Variants in GALNT15 observed in about 807,000 individuals in gnomAD.
GALNT15 encodes UDP-GalNAc transferase T15.
Under a neutral mutation model 66.8 loss-of-function variants are expected in GALNT15, and 67 were observed. The ratio of observed to expected loss-of-function variants is 1.00; its 90% confidence interval spans 0.82 to 1.23. GALNT15 has a LOEUF of 1.23. Ranked by LOEUF, GALNT15 falls within the 50% of genes most tolerant of loss-of-function variation. The probability of loss-of-function intolerance (pLI) is 0.00; values close to 1 mark genes in which losing one functional copy is unlikely to be tolerated. For missense variants in GALNT15, 827 were observed against 804.3 expected, an observed-to-expected ratio of 1.03 and a Z score of -0.34; for synonymous variants, 313 against 311.5, an observed-to-expected ratio of 1.00 and a Z score of -0.05.
In GALNT15 at chr3:16,200,677, C is replaced by G; in HGVS notation, c.765C>G (p.Leu255=). 6.2e-7 allele frequency: 1 copy of G among 1,606,984 alleles called. No individual in the cohort carries two copies. Residue 255 remains leucine (L), a synonymous_variant, in exon 3 of 10, where the codon CTC becomes CTG. Transcript: ENST00000339732. The surrounding 1 kb of genome is among the most constrained non-coding windows in gnomAD (Gnocchi z 4.4). ...YVARLEGVKL[L]RSNKRLGAIR... ...CCAGGCTGGAGGGGGTGAAGTTACT[C>G]AGGAGCAACAAGAGGCTGGGTGCCA...
chr3:16,229,441 G>GA lies in GALNT15; in HGVS notation c.*1943dup. 1 of 955,854 alleles carries GA rather than the reference G, an allele frequency of 1.0e-6. No individual in the cohort carries two copies. Among genetic ancestry groups the GA allele is most frequent in the Non-Finnish European group, 1.2e-6 (1 of 803,020 alleles). 59.2% of individuals were successfully genotyped at this position (955,854 alleles called of 1,614,324 possible). A position where few individuals can be genotyped will look rare whatever the true frequency, so the allele number is the denominator to read the frequency against. ...TACTGTATTGGCGAGCATGGATATAGAACATTTCATCACAGTTCTGTTGGA... is the reference window on the plus strand; with the variant it reads ...TACTGTATTGGCGAGCATGGATATAGAAACATTTCATCACAGTTCTGTTGGA... On this transcript the variant is annotated 3_prime_UTR_variant, in exon 10 of 10. Coordinates refer to ENST00000339732, the MANE Select transcript of GALNT15 (RefSeq NM_054110.5).
At chr3:16,240,722 C>T in the GALNT15 span, among the ~76,000 whole-genome samples, 5 of 124,292 alleles carry the variant, frequency 4.0e-5, no homozygotes, top group South Asian at 2.5e-4. Context: ...CAGATTCACA[C>T]ACTCAAGCAC....
At position 16,229,981 on chromosome 3, in the gene GALNT15, T is replaced by G. The variant is rs1352282540; in HGVS notation, c.*2481T>G. Among the ~76,000 whole-genome samples the G allele has an allele frequency of 2.0e-5, 3 of 152,214 alleles. No homozygotes were observed. The highest frequency in any genetic ancestry group is 4.8e-5 in the African/African-American group (2 of 41,464). The stretch of plus-strand genomic sequence containing the variant: ...GACCTTCTCCTTTAGTGTAACCAAG[T>G]GTTCAAATTCCCTTCTTCTCTATGA... On this transcript the variant is annotated 3_prime_UTR_variant, in exon 10 of 10. Transcript: ENST00000339732.
At chr3:16,234,887 T>C (rs1222686587), downstream of GALNT15, among the ~76,000 whole-genome samples, 1 of 150,516 alleles carries the variant, frequency 6.6e-6, no homozygotes, top group Non-Finnish European at 1.5e-5. Flanking sequence ...GAAAAGAGTC[T>C]GGGGGAGGGG....
At chr3:16,190,637 CAAAAAAAAA>C (rs34205852) in intron 1 of GALNT15, among the ~76,000 whole-genome samples, 1 of 98,644 alleles carries the variant, frequency 1.0e-5, no homozygotes. Flanking sequence ...GACTCCGTAT[CAAAAAAAAA>C]AAAAAAAAAA....
the GALNT15 span, among the ~76,000 whole-genome samples, chr3:16,245,897 A>C: frequency 6.6e-6 from 1 of 152,206 alleles, no homozygotes; most frequent in Admixed American, 6.5e-5. Context: ...GATTAACTGG[A>C]GTGTCTAAAA....
intron 8 of GALNT15, among the ~76,000 whole-genome samples, chr3:16,220,594 C>A (rs2063932340): frequency 6.6e-6 from 1 of 152,204 alleles, no homozygotes; most frequent in South Asian, 2.1e-4. Flanking sequence ...AACTGGATCA[C>A]AACCTAGAAA....
chr3:16,196,416 A>G (rs944480462), intron 2 of GALNT15, among the ~76,000 whole-genome samples: 2 of 152,152 alleles, frequency 1.3e-5, no homozygotes, highest in African/African-American at 4.8e-5. Flanking sequence ...CCCAGAGAAG[A>G]CAGCAGACTG....
At position 16,222,718 on chromosome 3, in the gene GALNT15, A is replaced by G; in HGVS notation, c.1733A>G (p.Glu578Gly). ...EQVILQNCTEEGLAIHQQHWD... is the reference protein window; with the variant it reads ...EQVILQNCTEGGLAIHQQHWD... ...GTGATTCTTCAGAACTGCACGGAGG[A>G]AGGCCTGGCCATCCACCAGCAGCAC... Residue 578 changes from glutamate to glycine, a missense_variant, in exon 9 of 10, where the codon GAA becomes GGA. Physicochemically the swap from Glu to Gly is moderately conservative, Grantham distance 98. Coordinates refer to ENST00000339732, the MANE Select transcript of GALNT15 (RefSeq NM_054110.5). 1 of 1,614,212 alleles carries G rather than the reference A, an allele frequency of 6.2e-7. No homozygotes were observed.
chr3:16,201,244 C>G (rs1025336235), intron 3 of GALNT15, among the ~76,000 whole-genome samples: 5 of 151,986 alleles, frequency 3.3e-5, no homozygotes, highest in Admixed American at 1.3e-4. Context: ...TGCAGCGGGG[C>G]GATCTCGGCT....
Position 16,209,941 on chromosome 3 carries a change from A to G in GALNT15, c.1080-1183A>G, listed in dbSNP as rs925448467. On this transcript the variant is annotated intron_variant, in intron 4 of 9. Transcript: ENST00000339732. This position sits in a 1 kb window ranked among gnomAD's most constrained non-coding sequence, Gnocchi z 4.1. ...CTTACTGTGAAAATATGTGTGTTTC[A>G]TCAAAGAAATATTAGTATATTTGAC... Among the ~76,000 whole-genome samples, 2 of 152,244 alleles carry G rather than the reference A, an allele frequency of 1.3e-5. No individual in the cohort carries two copies. Among genetic ancestry groups the G allele is most frequent in the Admixed American group, 1.3e-4 (2 of 15,286 alleles).
intron 2 of GALNT15, among the ~76,000 whole-genome samples, chr3:16,197,614 C>T (rs2063652797): frequency 6.6e-6 from 1 of 152,156 alleles, no homozygotes; most frequent in Non-Finnish European, 1.5e-5. Context: ...CCTTGATGGG[C>T]TTCCAAGCCG....
Position 16,175,783 on chromosome 3 carries a change from C to T in GALNT15, c.539+93C>T, listed in dbSNP as rs1424787844. On this transcript the variant is annotated intron_variant, in intron 1 of 9. Transcript: ENST00000339732. The surrounding 1 kb of genome is among the most constrained non-coding windows in gnomAD (Gnocchi z 5.6). Reference sequence around the variant, plus strand: ...TGCAAACTTTCCGTAGCCTGCCTCTCCTGACTTAGAGCAAGTGCTTTTCAA... The same window carrying T: ...TGCAAACTTTCCGTAGCCTGCCTCTTCTGACTTAGAGCAAGTGCTTTTCAA... The T allele has an allele frequency of 1.6e-5, 19 of 1,174,396 alleles. No homozygotes were observed. The highest frequency in any genetic ancestry group is 1.6e-5 in the Non-Finnish European group (14 of 853,820). The allele number at this position is 1,174,396 out of a possible 1,614,324, so 72.7% of individuals were successfully genotyped here.
intron 6 of GALNT15, among the ~76,000 whole-genome samples, 154 bp downstream of exon 6, chr3:16,212,917 C>A (rs1338726703): frequency 1.3e-5 from 2 of 152,184 alleles, no homozygotes; most frequent in Non-Finnish European, 2.9e-5. Context: ...GGCTCCTCCA[C>A]CTGGTGAGGC....
rs75972335 is a variant in GALNT15 at position 16,199,722 on chromosome 3, C to T, written c.707-897C>T. Among the ~76,000 whole-genome samples the T allele has an allele frequency of 4.3e-3, 651 of 152,168 alleles. 11 individuals are homozygous for T. Among genetic ancestry groups the T allele is most frequent in the Admixed American group, 8.0e-3 (123 of 15,280 alleles). On this transcript the variant is annotated intron_variant, in intron 2 of 9. Transcript: ENST00000339732. ...GGACTCTGGAGCACAGGCTGCACTG[C>T]GGGGTCTGTCTTGCTTTTTACCCTG... is the stretch of plus-strand genomic sequence containing the variant.
In GALNT15 at chr3:16,195,520, A is replaced by G. The variant is rs2063622674; in HGVS notation, c.540-240A>G. On this transcript the variant is annotated intron_variant, in intron 1 of 9. Coordinates refer to ENST00000339732, the MANE Select transcript of GALNT15 (RefSeq NM_054110.5). This position sits in a 1 kb window ranked among gnomAD's most constrained non-coding sequence, Gnocchi z 4.6. ...GATGACGGCAACGCTTCTCAATTGC[A>G]ATGAGAGGGACTTTGGATTAAATGA... Among the ~76,000 whole-genome samples, 1 of 152,166 alleles carries G rather than the reference A, an allele frequency of 6.6e-6. No individual in the cohort carries two copies. The highest frequency in any genetic ancestry group is 2.1e-4 in the South Asian group (1 of 4,830).
At chr3:16,232,471 TA>T (rs1215853413), downstream of GALNT15, among the ~76,000 whole-genome samples, 3 of 44,092 alleles carry the variant, frequency 6.8e-5, no homozygotes, top group Non-Finnish European at 8.5e-5. Context: ...AATAAATAAA[TA>T]TATATATATA....
At position 16,228,277 on chromosome 3, in the gene GALNT15, C is replaced by A. The variant is rs899403361; in HGVS notation, c.*777C>A. 51 of 985,740 alleles carry A rather than the reference C, an allele frequency of 5.2e-5. No homozygotes were observed. The highest frequency in any genetic ancestry group is 6.0e-5 in the Non-Finnish European group (50 of 829,954). 61.1% of individuals were successfully genotyped at this position (985,740 alleles called of 1,614,324 possible). On this transcript the variant is annotated 3_prime_UTR_variant, in exon 10 of 10. Coordinates refer to ENST00000339732, the MANE Select transcript of GALNT15 (RefSeq NM_054110.5). Reference sequence around the variant, plus strand: ...AACCAGATTCCCTTGCAATCGATTTCTCTTTAGTCGTTGGTGTTAGAAGTA... The same window carrying A: ...AACCAGATTCCCTTGCAATCGATTTATCTTTAGTCGTTGGTGTTAGAAGTA...
chr3:16,222,779 G>A, intron 9 of GALNT15, 21 bp downstream of exon 9: 1 of 1,612,304 alleles, frequency 6.2e-7, no homozygotes, highest in Non-Finnish European at 8.5e-7. Flanking sequence ...TGTTCAGGAA[G>A]AGCCTGGTAG....
Sources: gnomAD v4.1 joint callset for allele counts (sites outside exome capture counted in the v4.1 genomes callset) on GRCh38, gnomAD v4.1.1 for gene constraint, Gnocchi (gnomAD v3.1) non-coding constraint, MANE v1.5 for transcripts, NCBI Gene and HGNC (gene_info 2026-07-23, HGNC 2026-07-21) for gene names.